PCBD2: variants seen among roughly 807,000 people sequenced by gnomAD.
The protein encoded by PCBD2 is pterin-4-alpha-carbinolamine dehydratase 2.
A neutral mutation model predicts 16.4 loss-of-function variants in PCBD2; 12 were observed. The ratio of observed to expected loss-of-function variants is 0.73; its 90% CI spans 0.47 to 1.19. The LOEUF (loss-of-function observed/expected upper bound fraction) is 1.19, where lower values mean the gene tolerates loss of function less well. Ranked by LOEUF, PCBD2 falls within the 50% of genes most tolerant of loss-of-function variation. PCBD2 has a pLI of 0.00. For synonymous variants in PCBD2, 58 were observed against 61.8 expected, an observed-to-expected ratio of 0.94 and a Z score of 0.29; for missense variants, 138 against 156.8, an observed-to-expected ratio of 0.88 and a Z score of 0.64.
intron 2 of PCBD2, among the ~76,000 whole-genome samples, chr5:134,911,597 A>T (rs1019560573): frequency 6.6e-6 from 1 of 152,242 alleles, no homozygotes; most frequent in East Asian, 1.9e-4. Context: ...CAGGCATTTG[A>T]TAAATGCAGA....
chr5:134,907,007 G>T (rs1453114973), intron 1 of PCBD2, among the ~76,000 whole-genome samples: 1 of 152,218 alleles, frequency 6.6e-6, no homozygotes, highest in African/African-American at 2.4e-5. Flanking sequence ...GGTCCCTGCT[G>T]CTGGGCAGGT....
chr5:134,923,148 A>G (rs1020483004), intron 2 of PCBD2, among the ~76,000 whole-genome samples: 1 of 152,216 alleles, frequency 6.6e-6, no homozygotes, highest in Non-Finnish European at 1.5e-5. Context: ...GACTTGCCCA[A>G]GGTCTCACAG....
chr5:134,917,448 A>G (rs1165988336), intron 2 of PCBD2, among the ~76,000 whole-genome samples: 5 of 152,232 alleles, frequency 3.3e-5, no homozygotes, highest in African/African-American at 4.8e-5. Context: ...TTTTGTGTGT[A>G]GGACATGAGG....
chr5:134,948,119 G>C (rs1472185934), intron 2 of PCBD2, among the ~76,000 whole-genome samples: 1 of 152,036 alleles, frequency 6.6e-6, no homozygotes, highest in Non-Finnish European at 1.5e-5. Flanking sequence ...TGCTTTAGGA[G>C]AAAAGAATGG....
chr5:134,941,885 G>A (rs533797424), intron 2 of PCBD2, among the ~76,000 whole-genome samples: 49 of 152,032 alleles, frequency 3.2e-4, no homozygotes, highest in Admixed American at 2.6e-4. Context: ...TTGGGAGGCC[G>A]GGGCGGGTGG....
At chr5:134,905,386 C>T (rs1750672670) in intron 1 of PCBD2, 163 bp downstream of exon 1, 2 of 516,694 alleles carry the variant, frequency 3.9e-6, no homozygotes, top group Non-Finnish European at 5.9e-6. Flanking sequence ...ACCACCTGTC[C>T]GGTGCGCCGC....
chr5:134,945,000 A>T (rs1275040591), intron 2 of PCBD2, among the ~76,000 whole-genome samples: 3 of 152,196 alleles, frequency 2.0e-5, no homozygotes, highest in Non-Finnish European at 4.4e-5. Flanking sequence ...AATTGGAATA[A>T]TTTTTTATAG....
At chr5:134,921,557 G>A (rs1054592664) in intron 2 of PCBD2, among the ~76,000 whole-genome samples, 1 of 152,080 alleles carries the variant, frequency 6.6e-6, no homozygotes, top group African/African-American at 2.4e-5. Context: ...GAGTACAGGG[G>A]GGTTCCTGTG....
At chr5:134,939,404 T>C (rs1021026505) in intron 2 of PCBD2, among the ~76,000 whole-genome samples, 1 of 152,078 alleles carries the variant, frequency 6.6e-6, no homozygotes, top group African/African-American at 2.4e-5. Flanking sequence ...TAAGCCCATG[T>C]AATGCATATG....
At position 134,961,966 on chromosome 5, in the gene PCBD2, G is replaced by T. The variant is rs1051071313; in HGVS notation, c.*1285G>T. Among the ~76,000 whole-genome samples, 1 of 152,028 alleles carries T rather than the reference G, an allele frequency of 6.6e-6. No homozygotes were observed. The highest frequency in any genetic ancestry group is 2.4e-5 in the African/African-American group (1 of 41,386). On this transcript the variant is annotated 3_prime_UTR_variant, in exon 4 of 4. Coordinates refer to ENST00000254908, the MANE Select transcript of PCBD2 (RefSeq NM_032151.5). The stretch of plus-strand genomic sequence containing the variant: ...TTGTAGAGATGGGGTCTCCCATCTT[G>T]CCCAGGCTGGCCTTGAACTCTTGGG...
At chr5:134,955,248 T>C (rs1269836905) in intron 2 of PCBD2, among the ~76,000 whole-genome samples, 4 of 152,018 alleles carry the variant, frequency 2.6e-5, no homozygotes, top group East Asian at 3.8e-4. Context: ...TAGAAAGTTT[T>C]CTTAAATTAC....
At chr5:134,916,844 A>G (rs1212590257) in intron 2 of PCBD2, among the ~76,000 whole-genome samples, 2 of 152,210 alleles carry the variant, frequency 1.3e-5, no homozygotes, top group Admixed American at 6.5e-5. Flanking sequence ...CAGTGCGTCA[A>G]TGGACAGTAT....
At chr5:134,956,549 G>A (rs1751417487) in intron 2 of PCBD2, among the ~76,000 whole-genome samples, 1 of 152,222 alleles carries the variant, frequency 6.6e-6, no homozygotes, top group Non-Finnish European at 1.5e-5. Flanking sequence ...CAAAGAAATT[G>A]TGGCCACAGG....
intron 2 of PCBD2, 76 bp downstream of exon 2, chr5:134,910,542 A>G: frequency 4.7e-6 from 7 of 1,502,984 alleles, no homozygotes; most frequent in Non-Finnish European, 6.4e-6. Flanking sequence ...TGATTCTGCC[A>G]GTTGTCTGGT....
At chr5:134,946,296 G>C (rs1458321750) in intron 2 of PCBD2, among the ~76,000 whole-genome samples, 1 of 152,092 alleles carries the variant, frequency 6.6e-6, no homozygotes, top group Non-Finnish European at 1.5e-5. Flanking sequence ...TTCCAAGTTT[G>C]CAACCTGTGT....
At chr5:134,905,247 G>C in intron 1 of PCBD2, 24 bp downstream of exon 1, 2 of 1,222,764 alleles carry the variant, frequency 1.6e-6, no homozygotes, top group Non-Finnish European at 2.0e-6. Context: ...GGCCGCGTGG[G>C]TGGGGGTCCG....
At chr5:134,949,686 G>A (rs1043076471) in intron 2 of PCBD2, among the ~76,000 whole-genome samples, 2 of 152,086 alleles carry the variant, frequency 1.3e-5, no homozygotes, top group African/African-American at 2.4e-5. Context: ...CCTTTGCAGC[G>A]GCTAGAACAG....
intron 2 of PCBD2, among the ~76,000 whole-genome samples, chr5:134,935,685 T>TATAA (rs1472343844): frequency 6.6e-6 from 1 of 152,362 alleles, no homozygotes; most frequent in East Asian, 1.9e-4. Flanking sequence ...GAATTAAAAG[T>TATAA]ATAAGTTCAA....
rs1054871320 is a variant in PCBD2 at position 134,949,069 on chromosome 5, CCAGA to C, written c.217-9968_217-9965del. Among the ~76,000 whole-genome samples the C allele has an allele frequency of 3.2e-4, 49 of 152,164 alleles. 1 individual carries two copies. Among genetic ancestry groups the C allele is most frequent in the Admixed American group, 2.9e-3 (44 of 15,272 alleles). ...GGATTGGTGGGAGTTGTGTCTGCCC[CCAGA>C]CACACAAGGGACTGCACAGGGAATG... On this transcript the variant is annotated intron_variant, in intron 2 of 3. Coordinates refer to ENST00000254908, the MANE Select transcript of PCBD2 (RefSeq NM_032151.5).
Sources: gnomAD v4.1 joint callset for allele counts (sites outside exome capture counted in the v4.1 genomes callset) on GRCh38, gnomAD v4.1.1 for gene constraint, MANE v1.5 for transcripts, NCBI Gene and HGNC (gene_info 2026-07-23, HGNC 2026-07-21) for gene names.